Variants in GGT1 observed in about 807,000 individuals in gnomAD.
GGT1 encodes gamma-glutamyltransferase 1.
In GGT1, 21 loss-of-function variants were observed where a neutral mutation model predicts 56.0. The ratio of observed to expected loss-of-function variants is 0.38; its 90% CI spans 0.27 to 0.54. GGT1 has a LOEUF of 0.54. Among genes scored for constraint, GGT1 ranks in the 20% least tolerant of loss-of-function variants. The probability of loss-of-function intolerance (pLI) is 0.82; values close to 1 mark genes in which losing one functional copy is unlikely to be tolerated. For missense variants in GGT1, 466 were observed against 787.0 expected (o/e 0.59, Z 4.88); for synonymous variants, 238 against 342.6 (o/e 0.69, Z 3.37).
chr22:24,624,521 A>C (rs3901297), intron 11 of GGT1: 5 of 836,602 alleles, frequency 6.0e-6, no homozygotes, highest in Non-Finnish European at 7.1e-6. Context: ...TCAGCTGCCC[A>C]GGTGGTGTCT....
chr22:24,625,493 CG>C (rs2047691307), intron 11 of GGT1, among the ~76,000 whole-genome samples: 1 of 151,850 alleles, frequency 6.6e-6, no homozygotes, highest in Non-Finnish European at 1.5e-5. Flanking sequence ...CTCAAACTCC[CG>C]GGATCAAACT....
At chr22:24,595,715 A>C (rs929926425) in intron 1 of GGT1, among the ~76,000 whole-genome samples, 1 of 152,178 alleles carries the variant, frequency 6.6e-6, no homozygotes, top group Non-Finnish European at 1.5e-5. Context: ...ACACCTTTGG[A>C]GTCTCAAGCC....
At chr22:24,611,917 C>T (rs1279371205) in intron 5 of GGT1, among the ~76,000 whole-genome samples, 1 of 152,018 alleles carries the variant, frequency 6.6e-6, no homozygotes. Flanking sequence ...AGTGATTCTC[C>T]TGCCTCAGCC....
intron 10 of GGT1, 109 bp from the exon 11 acceptor site, chr22:24,623,670 GT>G: frequency 1.2e-6 from 1 of 859,516 alleles, no homozygotes; most frequent in Non-Finnish European, 1.9e-6. Context: ...GCTGCTATTG[GT>G]TATTAAACGC....
At chr22:24,590,636 T>C (rs911340894), upstream of GGT1, among the ~76,000 whole-genome samples, 1 of 152,158 alleles carries the variant, frequency 6.6e-6, no homozygotes, top group Non-Finnish European at 1.5e-5. Flanking sequence ...TGTCCCCCAG[T>C]GTTCCCTTCA....
chr22:24,592,921 G>C, upstream of GGT1: 1 of 1,264,398 alleles, frequency 7.9e-7, no homozygotes, highest in Non-Finnish European at 1.0e-6. Flanking sequence ...GCGGAGCGTG[G>C]ACTGGATCTC....
the GGT1 span, chr22:24,585,735 C>A: frequency 3.0e-5 from 28 of 940,516 alleles, no homozygotes; most frequent in Non-Finnish European, 4.3e-5. Context: ...ACCTGGCCAC[C>A]TATGAGTCCA....
At chr22:24,586,536 T>C in the GGT1 span, 2 of 1,065,278 alleles carry the variant, frequency 1.9e-6, no homozygotes, top group Admixed American at 4.7e-5. Flanking sequence ...AAACTGTGTC[T>C]TTCGTATTTT....
intron 1 of GGT1, among the ~76,000 whole-genome samples, chr22:24,596,763 AT>A (rs1250364040): frequency 2.2e-5 from 3 of 135,244 alleles, no homozygotes; most frequent in Non-Finnish European, 4.9e-5. Context: ...AAAAAAAAAA[AT>A]TAGCCTGGTG....
chr22:24,589,180 G>A, the GGT1 span: 1 of 1,182,742 alleles, frequency 8.5e-7, no homozygotes, highest in Non-Finnish European at 1.1e-6. Flanking sequence ...TGGGTCCGGT[G>A]GCTGGTCACA....
upstream of GGT1, chr22:24,592,973 A>G: frequency 8.5e-7 from 1 of 1,174,436 alleles, no homozygotes; most frequent in Non-Finnish European, 1.1e-6. Context: ...GCGGGCCCGC[A>G]GCCGGCCGCC....
At chr22:24,605,979 A>G (rs1253356000) in intron 1 of GGT1, among the ~76,000 whole-genome samples, 1 of 65,000 alleles carries the variant, frequency 1.5e-5, no homozygotes, top group Non-Finnish European at 2.7e-5. Context: ...ATAATATATC[A>G]TATATTATAT....
chr22:24,588,187 G>A, the GGT1 span: 2 of 1,539,116 alleles, frequency 1.3e-6, no homozygotes, highest in African/African-American at 1.4e-5. Flanking sequence ...CAGCAGTGAG[G>A]AGGGGCAGTG....
At position 24,614,709 on chromosome 22, in the gene GGT1, C is replaced by T; in HGVS notation, c.165-67C>T. Reference sequence around the variant, plus strand: ...CATCCTCCTTTGGGCAGGTGGGCAGCAGGGTGTGTATGCGGGGCCAGGGTG... The same window carrying T: ...CATCCTCCTTTGGGCAGGTGGGCAGTAGGGTGTGTATGCGGGGCCAGGGTG... On this transcript the variant is annotated intron_variant, in intron 5 of 15. Coordinates refer to ENST00000400382, the MANE Select transcript of GGT1 (RefSeq NM_001288833.2). 2.1e-6 allele frequency: 3 copies of T among 1,442,578 alleles called. No homozygotes were observed. In the South Asian group the frequency reaches 3.5e-5, roughly 17 times the overall value. The allele number at this position is 1,442,578 out of a possible 1,614,324, so 89.4% of individuals were successfully genotyped here.
intron 4 of GGT1, 71 bp from the exon 5 acceptor site, chr22:24,611,004 T>A (rs1601682883): frequency 1.4e-6 from 2 of 1,404,492 alleles, no homozygotes; most frequent in Admixed American, 1.9e-5. Flanking sequence ...CTTTAGACTG[T>A]GCCCTGTTGG....
At chr22:24,613,571 G>A (rs1295649945) in intron 5 of GGT1, among the ~76,000 whole-genome samples, 2 of 151,052 alleles carry the variant, frequency 1.3e-5, no homozygotes, top group African/African-American at 2.4e-5. Flanking sequence ...CCAACATGGT[G>A]CACTCTGTCC....
upstream of GGT1, among the ~76,000 whole-genome samples, chr22:24,600,350 CCACACTATCAGT>C (rs1180570313): frequency 6.6e-6 from 1 of 152,212 alleles, no homozygotes; most frequent in African/African-American, 2.4e-5. Context: ...GCTGTGATAC[CCACACTATCAGT>C]GGCTGGGGTT....
intron 1 of GGT1, among the ~76,000 whole-genome samples, chr22:24,603,973 A>G (rs2045869297): frequency 6.6e-6 from 1 of 151,988 alleles, no homozygotes; most frequent in Admixed American, 6.6e-5. Context: ...TTCTTTCGAC[A>G]GGTTTCCAGC....
chr22:24,586,465 TGACCACA>T, the GGT1 span: 1 of 1,554,850 alleles, frequency 6.4e-7, no homozygotes, highest in Non-Finnish European at 8.7e-7. Flanking sequence ...GTCCCCCCAC[TGACCACA>T]GACAGTGACC....
Sources: gnomAD v4.1 joint callset for allele counts (sites outside exome capture counted in the v4.1 genomes callset) on GRCh38, gnomAD v4.1.1 for gene constraint, MANE v1.5 for transcripts, NCBI Gene and HGNC (gene_info 2026-07-23, HGNC 2026-07-21) for gene names.